LRP8: variants seen among roughly 807,000 people sequenced by gnomAD.
LRP8 encodes the protein LDL receptor related protein 8, also known as low-density lipoprotein receptor-related protein 8.
Under a neutral mutation model 111.6 loss-of-function variants are expected in LRP8, and 46 were observed. That is an observed-to-expected ratio of 0.41 (90% CI 0.33 to 0.53). The LOEUF is 0.53. Ranked by LOEUF, LRP8 falls within the 20% of genes least tolerant of loss-of-function variation. LRP8 has a pLI of 0.20. For synonymous variants in LRP8, 464 were observed against 511.2 expected (o/e 0.91, Z 1.24); for missense variants, 959 against 1,297.4 (o/e 0.74, Z 4.01).
chr1:53,281,077 A>G (rs1486568241), intron 3 of LRP8, among the ~76,000 whole-genome samples: 4 of 152,034 alleles, frequency 2.6e-5, no homozygotes, highest in Non-Finnish European at 5.9e-5. Flanking sequence ...CTTCTCTGCC[A>G]TTTCCCAGCT....
At chr1:53,257,519 T>C in intron 14 of LRP8, 55 bp from the exon 15 acceptor site, 2 of 1,345,716 alleles carry the variant, frequency 1.5e-6, no homozygotes, top group Non-Finnish European at 2.1e-6. Context: ...TTGCCTAAGG[T>C]ATTGCCTCTG....
At chr1:53,285,182 G>A (rs969273017) in intron 3 of LRP8, among the ~76,000 whole-genome samples, 12 of 152,216 alleles carry the variant, frequency 7.9e-5, no homozygotes, top group African/African-American at 2.2e-4. Context: ...GGCTAGTGGT[G>A]AGAGGCAGAT....
rs1008700841 is a variant in LRP8 at position 53,279,742 on chromosome 1, C to T, written c.496+845G>A. Among the ~76,000 whole-genome samples the T allele has an allele frequency of 1.3e-5, 2 of 152,224 alleles. No homozygotes were observed. Among genetic ancestry groups the T allele is most frequent in the Admixed American group, 6.5e-5 (1 of 15,294 alleles). On this transcript the variant is annotated intron_variant, in intron 4 of 18. Transcript: ENST00000306052. This position sits in a 1 kb window ranked among gnomAD's most constrained non-coding sequence, Gnocchi z 4.4. ...CCTGGCAAGCCCTCCAGGGTGACCGCCCGTATTTCAGCCCAGCCGCACAGC... is the reference window on the plus strand; with the variant it reads ...CCTGGCAAGCCCTCCAGGGTGACCGTCCGTATTTCAGCCCAGCCGCACAGC...
At chr1:53,277,515 G>A (rs1436227847) in intron 4 of LRP8, among the ~76,000 whole-genome samples, 1 of 152,132 alleles carries the variant, frequency 6.6e-6, no homozygotes, top group African/African-American at 2.4e-5. Context: ...CCCTGGCCTG[G>A]TATCCAAGGC....
chr1:53,276,134 G>C (rs1054596104), intron 5 of LRP8, among the ~76,000 whole-genome samples: 1 of 152,154 alleles, frequency 6.6e-6, no homozygotes, highest in Admixed American at 6.5e-5. Flanking sequence ...GCCAGGTGCT[G>C]TGCTGGGAGA....
At position 53,249,683 on chromosome 1, in the gene LRP8, G is replaced by A. The variant is rs1645835772; in HGVS notation, c.2677-127C>T. 2.2e-6 allele frequency: 3 copies of A among 1,351,646 alleles called. No homozygotes were observed. In the South Asian group the frequency reaches 4.8e-5, roughly 22 times the overall value. The allele number at this position is 1,351,646 out of a possible 1,614,324, so 83.7% of individuals were successfully genotyped here. A position where few individuals can be genotyped will look rare whatever the true frequency, so the allele number is the denominator to read the frequency against. ...TTCCCCCAAAAAGCCATGCTGTGTT[G>A]TACCTTCAAGCCTTTGCACATGCCT... On this transcript the variant is annotated intron_variant, in intron 17 of 18. Transcript: ENST00000306052. The surrounding 1 kb of genome is among the most constrained non-coding windows in gnomAD (Gnocchi z 4.1).
chr1:53,269,668 C>A (rs1646700407), intron 8 of LRP8, among the ~76,000 whole-genome samples: 1 of 152,128 alleles, frequency 6.6e-6, no homozygotes. Flanking sequence ...CCTGACCATT[C>A]CATTTAAAAC....
chr1:53,299,079 C>G (rs1052376850), intron 2 of LRP8, among the ~76,000 whole-genome samples: 1 of 152,212 alleles, frequency 6.6e-6, no homozygotes, highest in African/African-American at 2.4e-5. Context: ...CAAGAACCCA[C>G]GAGGCGCAGA....
intron 3 of LRP8, among the ~76,000 whole-genome samples, chr1:53,284,627 T>C (rs1258512510): frequency 6.6e-6 from 1 of 152,224 alleles, no homozygotes; most frequent in Non-Finnish European, 1.5e-5. Context: ...TTTTAATGAA[T>C]ATTTATATAG....
intron 2 of LRP8, among the ~76,000 whole-genome samples, chr1:53,296,326 T>A (rs1349359322): frequency 6.6e-6 from 1 of 152,166 alleles, no homozygotes; most frequent in Non-Finnish European, 1.5e-5. Flanking sequence ...CTAGGGCAGT[T>A]GAGAGGCTGA....
At position 53,294,867 on chromosome 1, in the gene LRP8, G is replaced by C. The variant is rs906796114; in HGVS notation, c.245-5178C>G. 2.6e-5 allele frequency among the ~76,000 whole-genome samples: 4 copies of C among 152,206 alleles called. No homozygotes were observed. Among genetic ancestry groups the C allele is most frequent in the Non-Finnish European group, 5.9e-5 (4 of 68,042 alleles). On this transcript the variant is annotated intron_variant, in intron 2 of 18. Coordinates refer to ENST00000306052, the MANE Select transcript of LRP8 (RefSeq NM_004631.5). The surrounding 1 kb of genome is among the most constrained non-coding windows in gnomAD (Gnocchi z 4.1). The stretch of plus-strand genomic sequence containing the variant: ...TTCCCATGCTGCTCCCCACCCACAC[G>C]CATCGTGGAGCCCCGGTGCAGAGAG...
Position 53,276,674 on chromosome 1 carries a change from G to T in LRP8, c.883+18C>A. 1 of 1,525,046 alleles carries T rather than the reference G, an allele frequency of 6.6e-7. No homozygotes were observed. The highest frequency in any genetic ancestry group is 1.2e-5 in the South Asian group (1 of 84,890). The allele number at this position is 1,525,046 out of a possible 1,614,324, so 94.5% of individuals were successfully genotyped here. A position where few individuals can be genotyped will look rare whatever the true frequency, so the allele number is the denominator to read the frequency against. On this transcript the variant is annotated intron_variant, in intron 5 of 18. Transcript: ENST00000306052. ...CCGCAATCCCTGGGCGGGGCTGGGC[G>T]GTATGGAGGGGGCTTACGGCAGTCG...
intron 18 of LRP8, among the ~76,000 whole-genome samples, chr1:53,247,469 C>A (rs1645762039): frequency 6.6e-6 from 1 of 152,194 alleles, no homozygotes. Flanking sequence ...TTACTTGTCT[C>A]TAGCATGCTA....
chr1:53,249,263 A>G lies in LRP8; in HGVS notation c.2853+117T>C. On this transcript the variant is annotated intron_variant, in intron 18 of 18. Coordinates refer to ENST00000306052, the MANE Select transcript of LRP8 (RefSeq NM_004631.5). This position sits in a 1 kb window ranked among gnomAD's most constrained non-coding sequence, Gnocchi z 4.1. The stretch of plus-strand genomic sequence containing the variant: ...ACCCATTTTTCTTCTTTGCCCCAAC[A>G]CCCAGCTTACAATTTGCAGCCTTCC... 8.9e-7 allele frequency: 1 copy of G among 1,121,476 alleles called. No individual in the cohort carries two copies. Among genetic ancestry groups the G allele is most frequent in the African/African-American group, 1.6e-5 (1 of 63,434 alleles). 69.5% of individuals were successfully genotyped at this position (1,121,476 alleles called of 1,614,324 possible).
At chr1:53,277,438 A>G (rs1350177152) in intron 4 of LRP8, among the ~76,000 whole-genome samples, 2 of 151,948 alleles carry the variant, frequency 1.3e-5, no homozygotes, top group Admixed American at 1.3e-4. Context: ...CCCAGGGACC[A>G]GGGTCTGGGG....
At position 53,275,576 on chromosome 1, in the gene LRP8, C is replaced by A; in HGVS notation, c.1006+55G>T. ...CCCAACTCTGCCCTCTGGAGAGTTA[C>A]CAGAGCCTAGGGCATCCTCACAGAG... On this transcript the variant is annotated intron_variant, in intron 6 of 18. Coordinates refer to ENST00000306052, the MANE Select transcript of LRP8 (RefSeq NM_004631.5). This position sits in a 1 kb window ranked among gnomAD's most constrained non-coding sequence, Gnocchi z 4.4. 6.2e-7 allele frequency: 1 copy of A among 1,600,690 alleles called. No individual in the cohort carries two copies.
At chr1:53,301,641 G>A (rs1377734053) in intron 2 of LRP8, among the ~76,000 whole-genome samples, 4 of 151,932 alleles carry the variant, frequency 2.6e-5, no homozygotes, top group Admixed American at 6.6e-5. Flanking sequence ...TGGGGTGGTC[G>A]GCTGGCTTGA....
At chr1:53,269,609 C>T (rs983683133) in intron 8 of LRP8, among the ~76,000 whole-genome samples, 6 of 152,102 alleles carry the variant, frequency 3.9e-5, no homozygotes, top group African/African-American at 1.4e-4. Flanking sequence ...GCCACCACAC[C>T]CACCCCCCTT....
chr1:53,280,468 C>T (rs1166082051), intron 4 of LRP8, 119 bp downstream of exon 4: 1 of 1,335,532 alleles, frequency 7.5e-7, no homozygotes, highest in Non-Finnish European at 1.0e-6. Flanking sequence ...GATCGTTATC[C>T]TTTCCTCTCC....
Sources: gnomAD v4.1 joint callset for allele counts (sites outside exome capture counted in the v4.1 genomes callset) on GRCh38, gnomAD v4.1.1 for gene constraint, Gnocchi (gnomAD v3.1) non-coding constraint, MANE v1.5 for transcripts, NCBI Gene and HGNC (gene_info 2026-07-23, HGNC 2026-07-21) for gene names.